Variants in SHISA9 observed in about 807,000 individuals in gnomAD.
SHISA9 encodes protein shisa-9.
A neutral mutation model predicts 38.0 loss-of-function variants in SHISA9; 13 were observed. The ratio of observed to expected loss-of-function variants is 0.34; its 90% CI spans 0.22 to 0.54. The LOEUF is 0.54. Among genes scored for constraint, SHISA9 ranks in the 20% least tolerant of loss-of-function variants. SHISA9 has a pLI of 0.91. For missense variants in SHISA9, 538 were observed against 575.8 expected, an observed-to-expected ratio of 0.93 and a Z score of 0.67; for synonymous variants, 275 against 242.0, an observed-to-expected ratio of 1.14 and a Z score of -1.27.
At chr16:13,149,416 C>G (rs1370239336) in intron 2 of SHISA9, among the ~76,000 whole-genome samples, 1 of 152,082 alleles carries the variant, frequency 6.6e-6, no homozygotes, top group Non-Finnish European at 1.5e-5. Context: ...TTCCTGAATC[C>G]ACTTACCAGC....
intron 2 of SHISA9, among the ~76,000 whole-genome samples, chr16:12,967,264 A>G (rs535793525): frequency 3.3e-4 from 51 of 152,326 alleles, no homozygotes; most frequent in African/African-American, 1.2e-3. Flanking sequence ...TTGTAGGGAC[A>G]TAGATGAAGC....
the SHISA9 span, among the ~76,000 whole-genome samples, chr16:13,548,846 T>C: frequency 1.3e-5 from 2 of 152,236 alleles, no homozygotes; most frequent in East Asian, 3.9e-4. Flanking sequence ...TATGATCCAG[T>C]AATCCCACAG....
chr16:13,152,265 G>C (rs1312885423), intron 2 of SHISA9, among the ~76,000 whole-genome samples: 1 of 151,942 alleles, frequency 6.6e-6, no homozygotes, highest in African/African-American at 2.4e-5. Context: ...TAAATCTTCT[G>C]TCCTCCATAC....
chr16:13,450,242 G>A, the SHISA9 span, among the ~76,000 whole-genome samples: 2 of 152,048 alleles, frequency 1.3e-5, no homozygotes, highest in African/African-American at 4.8e-5. Context: ...AAAACTTGAG[G>A]GTAGGGTTAA....
the SHISA9 span, among the ~76,000 whole-genome samples, chr16:13,382,530 CAAAAAAAAA>C: frequency 8.2e-5 from 4 of 49,000 alleles, no homozygotes; most frequent in African/African-American, 2.1e-4. Context: ...AACTCCATCT[CAAAAAAAAA>C]AAAAAAAAAA....
At chr16:13,342,103 C>G in the SHISA9 span, among the ~76,000 whole-genome samples, 1 of 152,178 alleles carries the variant, frequency 6.6e-6, no homozygotes, top group Non-Finnish European at 1.5e-5. Context: ...TGGTCTGTCT[C>G]CAAGATGCCT....
the SHISA9 span, among the ~76,000 whole-genome samples, chr16:13,454,820 G>C: frequency 1.3e-5 from 2 of 152,144 alleles, no homozygotes; most frequent in South Asian, 2.1e-4. Context: ...GTGCTACTCT[G>C]TCCCTGCTTA....
intron 2 of SHISA9, among the ~76,000 whole-genome samples, chr16:13,201,213 C>T (rs1051956912): frequency 1.5e-5 from 2 of 134,792 alleles, no homozygotes; most frequent in African/African-American, 5.8e-5. Context: ...AGTTGTCCCA[C>T]GGTATCCATG....
the SHISA9 span, among the ~76,000 whole-genome samples, chr16:13,505,826 T>G: frequency 2.6e-5 from 4 of 152,334 alleles, no homozygotes; most frequent in East Asian, 1.9e-4. Flanking sequence ...CTGGGTTGGT[T>G]GCAGAAACCT....
At chr16:13,470,772 C>A in the SHISA9 span, among the ~76,000 whole-genome samples, 1 of 152,088 alleles carries the variant, frequency 6.6e-6, no homozygotes, top group South Asian at 2.1e-4. Flanking sequence ...CACAGTTAAT[C>A]CAATATTTTC....
At chr16:13,309,870 T>G in the SHISA9 span, among the ~76,000 whole-genome samples, 3 of 150,450 alleles carry the variant, frequency 2.0e-5, no homozygotes, top group African/African-American at 7.3e-5. Flanking sequence ...ATTTATTTAT[T>G]TACTTATCTA....
chr16:13,434,425 T>TTTTTTTTGTTTGTTTTG, the SHISA9 span, among the ~76,000 whole-genome samples: 92 of 132,320 alleles, frequency 7.0e-4, 2 homozygotes, highest in East Asian at 1.7e-3. Flanking sequence ...CTATGTTTTT[T>TTTTTTTTGTTTGTTTTG]TTTTTTTTTT....
At chr16:13,205,928 ATTTT>A (rs79183056) in intron 3 of SHISA9, among the ~76,000 whole-genome samples, 1 of 139,850 alleles carries the variant, frequency 7.2e-6, no homozygotes, top group Non-Finnish European at 1.6e-5. Context: ...TGCCTGGCTA[ATTTT>A]TTTTTTTTTT....
chr16:13,145,456 G>A (rs1307214543), intron 2 of SHISA9, among the ~76,000 whole-genome samples: 1 of 152,202 alleles, frequency 6.6e-6, no homozygotes, highest in Non-Finnish European at 1.5e-5. Context: ...GAACCCGGGA[G>A]GCGGGAGTTG....
the SHISA9 span, among the ~76,000 whole-genome samples, chr16:13,401,169 ACT>A: frequency 1.3e-5 from 2 of 151,966 alleles, no homozygotes; most frequent in African/African-American, 4.8e-5. Flanking sequence ...TGTGCCAGAA[ACT>A]CTTCAAAGCT....
At chr16:13,069,379 C>A (rs955565255) in intron 2 of SHISA9, among the ~76,000 whole-genome samples, 1 of 151,958 alleles carries the variant, frequency 6.6e-6, no homozygotes, top group East Asian at 1.9e-4. Flanking sequence ...CGTGTGTGTA[C>A]ATGCAATGTG....
chr16:13,182,135 G>A (rs764308815), intron 2 of SHISA9, among the ~76,000 whole-genome samples: 1 of 152,178 alleles, frequency 6.6e-6, no homozygotes, highest in Admixed American at 6.5e-5. Context: ...CTAACAATAG[G>A]TTTCACCTAA....
At position 13,001,727 on chromosome 16, in the gene SHISA9, G is replaced by A. The variant is rs190471263; in HGVS notation, c.691+84912G>A. Among the ~76,000 whole-genome samples, 247 of 152,104 alleles carry A rather than the reference G, an allele frequency of 1.6e-3. 2 individuals are homozygous for A. Among genetic ancestry groups the A allele is most frequent in the Non-Finnish European group, 2.8e-3 (187 of 67,988 alleles). On this transcript the variant is annotated intron_variant, in intron 2 of 4. Transcript: ENST00000558583. ...TTACATTCTAAATAAATTTCATCTC[G>A]GAAGAAAAGAATGTAAACAGGTATT...
Position 13,096,983 on chromosome 16 carries a change from C to T in SHISA9, c.692-106411C>T, listed in dbSNP as rs78214670. On this transcript the variant is annotated intron_variant, in intron 2 of 4. Coordinates refer to ENST00000558583, the MANE Select transcript of SHISA9 (RefSeq NM_001145204.3). ...CCATTTCTCTTCAGGGCACATCTCA[C>T]TCTCTCAAGTCACATATTTATTTAC... 5.5e-4 allele frequency among the ~76,000 whole-genome samples: 84 copies of T among 152,282 alleles called. 1 individual carries two copies. The East Asian group carries it at 9.7e-3, about 18-fold the overall frequency.
Sources: allele counts gnomAD v4.1 joint callset (sites outside exome capture counted in the v4.1 genomes callset), GRCh38; gene constraint gnomAD v4.1.1; transcripts MANE v1.5; gene names NCBI Gene and HGNC (gene_info 2026-07-23, HGNC 2026-07-21).